The following RNF31 variants were observed in gnomAD, a reference collection of about 807,000 sequenced individuals.
RNF31 encodes the protein E3 ubiquitin-protein ligase RNF31.
A neutral mutation model predicts 133.6 loss-of-function variants in RNF31; 38 were observed. The observed-to-expected ratio is 0.28, with a 90% CI of 0.22 to 0.37. RNF31 has a LOEUF of 0.37. Ranked by LOEUF, RNF31 falls within the 10% of genes least tolerant of loss-of-function variation. The pLI, the probability that RNF31 is intolerant of heterozygous loss-of-function variation, is 1.00. For synonymous variants in RNF31, 582 were observed against 552.3 expected, an observed-to-expected ratio of 1.05 and a Z score of -0.75; for missense variants, 1,118 against 1,394.1, an observed-to-expected ratio of 0.80 and a Z score of 3.15.
Position 24,157,915 on chromosome 14 carries a change from C to A in RNF31, c.2745C>A (p.Asn915Lys). Reference protein sequence around the residue: ...FYAKNKCPEPNCRVKKSLHGH... With the variant: ...FYAKNKCPEPKCRVKKSLHGH... Reference sequence around the variant, plus strand: ...TCTGCCAGAAATGTCCAGAGCCTAACTGCAGGGTGAAAAAGTCCCTGCACG... The same window carrying A: ...TCTGCCAGAAATGTCCAGAGCCTAAATGCAGGGTGAAAAAGTCCCTGCACG... The change falls in exon 17 of 21, where the codon AAC becomes AAA. Residue 915 changes from asparagine (N) to lysine (K), a missense_variant. By Grantham distance (94) the Asn-to-Lys change is moderately conservative (BLOSUM62 0). Transcript: ENST00000324103. The A allele has an allele frequency of 6.2e-7, 1 of 1,614,012 alleles. No individual in the cohort carries two copies. Among genetic ancestry groups the A allele is most frequent in the Non-Finnish European group, 8.5e-7 (1 of 1,179,934 alleles).
At position 24,151,724 on chromosome 14, in the gene RNF31, C is replaced by A; in HGVS notation, c.1923+54C>A. On this transcript the variant is annotated intron_variant, in intron 10 of 20. Transcript: ENST00000324103. The surrounding 1 kb of genome is among the most constrained non-coding windows in gnomAD (Gnocchi z 5.3). Reference sequence around the variant, plus strand: ...GTCCACCTAGAGGAGCAAGAGGGAGCTGAGGGGAAGGGTCCCTGGAGTCTG... The same window carrying A: ...GTCCACCTAGAGGAGCAAGAGGGAGATGAGGGGAAGGGTCCCTGGAGTCTG... 6.2e-7 allele frequency: 1 copy of A among 1,602,046 alleles called. No individual in the cohort carries two copies.
In RNF31 at chr14:24,151,729, G is replaced by A; in HGVS notation, c.1924-57G>A. 3 of 1,601,718 alleles carry A rather than the reference G, an allele frequency of 1.9e-6. No homozygotes were observed. Among genetic ancestry groups the A allele is most frequent in the Non-Finnish European group, 2.6e-6 (3 of 1,174,068 alleles). ...CCTAGAGGAGCAAGAGGGAGCTGAG[G>A]GGAAGGGTCCCTGGAGTCTGACAGC... is the stretch of plus-strand genomic sequence containing the variant. On this transcript the variant is annotated intron_variant, in intron 10 of 20. Coordinates refer to ENST00000324103, the MANE Select transcript of RNF31 (RefSeq NM_017999.5). The surrounding 1 kb of genome is among the most constrained non-coding windows in gnomAD (Gnocchi z 5.3).
In RNF31 at chr14:24,160,541, T is replaced by G; in HGVS notation, c.3187T>G (p.Leu1063Val). Residue 1063 changes from leucine to valine, a missense_variant, in exon 21 of 21, where the codon TTG becomes GTG. Coordinates refer to ENST00000324103, the MANE Select transcript of RNF31 (RefSeq NM_017999.5). The surrounding 1 kb of genome is among the most constrained non-coding windows in gnomAD (Gnocchi z 4.0). ...GCAGAAGCTGACAGAAGAGGTACCC[T>G]TGGGACAGAGTATCCCCCGCAGGCG... The part of the protein sequence containing the change: ...LLQKLTEEVP[L>V]GQSIPRRRK 1 of 1,550,014 alleles carries G rather than the reference T, an allele frequency of 6.5e-7. No individual in the cohort carries two copies. The highest frequency in any genetic ancestry group is 8.7e-7 in the Non-Finnish European group (1 of 1,145,220).
At chr14:24,157,710 G>C (rs981724524) in intron 16 of RNF31, 72 bp downstream of exon 16, 3 of 1,347,180 alleles carry the variant, frequency 2.2e-6, no homozygotes, top group Non-Finnish European at 3.2e-6. Context: ...AGAGGCTATT[G>C]AGGAGTGGCC....
Position 24,149,572 on chromosome 14 carries a change from C to T in RNF31, c.798C>T (p.His266=), listed in dbSNP as rs776299997. The T allele has an allele frequency of 1.1e-5, 18 of 1,613,260 alleles. No individual in the cohort carries two copies. In the South Asian group the frequency reaches 2.0e-4, roughly 18 times the overall value. The stretch of plus-strand genomic sequence containing the variant: ...TGCCTGGGGTCCTGCAGGGTACCCA[C>T]CTGAGCCCCAGGTGAGAGGGCTTCT... ...QTLPGVLQGT[H]LSPSLPASAQ... Residue 266 remains histidine, a synonymous_variant, in exon 6 of 21, where the codon CAC becomes CAT. Transcript: ENST00000324103.
At position 24,157,250 on chromosome 14, in the gene RNF31, G is replaced by A. The variant is rs748214699; in HGVS notation, c.2494-40G>A. On this transcript the variant is annotated intron_variant, in intron 14 of 20. Coordinates refer to ENST00000324103, the MANE Select transcript of RNF31 (RefSeq NM_017999.5). ...GGCCAGCAAGAAAGGCCAGGGGATG[G>A]GATAGAGCTCCCATGTGAAGCCTAC... is the stretch of plus-strand genomic sequence containing the variant. 3.3e-6 allele frequency: 5 copies of A among 1,509,442 alleles called. No homozygotes were observed. In the South Asian group the frequency reaches 6.0e-5, roughly 18 times the overall value. 93.5% of individuals were successfully genotyped at this position (1,509,442 alleles called of 1,614,324 possible).
At position 24,148,781 on chromosome 14, in the gene RNF31, C is replaced by G. The variant is rs371052852; in HGVS notation, c.556-20C>G. ...CTGTGTCCCTAAACCCTTATTCATT[C>G]CCTGCCCTTTCTTTTTCAGATGCTG... is the stretch of plus-strand genomic sequence containing the variant. On this transcript the variant is annotated intron_variant, in intron 4 of 20. Transcript: ENST00000324103. 4 of 1,613,894 alleles carry G rather than the reference C, an allele frequency of 2.5e-6. No individual in the cohort carries two copies. The highest frequency in any genetic ancestry group is 2.5e-6 in the Non-Finnish European group (3 of 1,179,876).
In RNF31 at chr14:24,151,567, G is replaced by A. The variant is rs757997689; in HGVS notation, c.1820G>A (p.Arg607Gln). 6 of 1,614,026 alleles carry A rather than the reference G, an allele frequency of 3.7e-6. No homozygotes were observed. Among genetic ancestry groups the A allele is most frequent in the African/African-American group, 1.3e-5 (1 of 74,914 alleles). ...TTCCAGCACGGAGGTGATGTGTCACGGGCCCTGACTGAGCTACAGCGCCAA... is the reference window on the plus strand; with the variant it reads ...TTCCAGCACGGAGGTGATGTGTCACAGGCCCTGACTGAGCTACAGCGCCAA... ...ALFQHGGDVS[R>Q]ALTELQRQRL... Residue 607 changes from arginine (R) to glutamine (Q), a missense_variant, in exon 10 of 21, where the codon CGG (arginine) becomes CAG (glutamine). Physicochemically the swap from Arg to Gln is conservative, Grantham distance 43. Coordinates refer to ENST00000324103, the MANE Select transcript of RNF31 (RefSeq NM_017999.5). The surrounding 1 kb of genome is among the most constrained non-coding windows in gnomAD (Gnocchi z 5.3).
rs1443808368 is a variant in RNF31, at chr14:24,150,240, A to AGGGGTT, written c.999_1004dup (p.Leu334_Gly335dup). 11 of 1,614,124 alleles carry AGGGGTT rather than the reference A, an allele frequency of 6.8e-6. No homozygotes were observed. The highest frequency in any genetic ancestry group is 1.3e-5 in the African/African-American group (1 of 75,022). On this transcript the variant is annotated inframe_insertion, in exon 7 of 21. Transcript: ENST00000324103. ...GCCTGTGATCGGCCCCGAGGCTGTAAGGGGTTGGGGTTGGGAACTGAGGGT... is the reference window on the plus strand; with the variant it reads ...GCCTGTGATCGGCCCCGAGGCTGTAAGGGGTTGGGGTTGGGGTTGGGAACTGAGGGT...
At position 24,151,608 on chromosome 14, in the gene RNF31, C is replaced by T. The variant is rs771019988; in HGVS notation, c.1861C>T (p.Arg621Cys). Residue 621 changes from arginine to cysteine, a missense_variant, in exon 10 of 21, where the codon CGC (arginine) becomes TGC (cysteine). Arg to Cys is a radical substitution (Grantham distance 180). Coordinates refer to ENST00000324103, the MANE Select transcript of RNF31 (RefSeq NM_017999.5). This position sits in a 1 kb window ranked among gnomAD's most constrained non-coding sequence, Gnocchi z 5.3. ...ELQRQRLEPF[R>C]QRLWDSGPEP... is the part of the protein sequence containing the mutation. ...ACAGCGCCAACGCCTAGAGCCCTTC[C>T]GCCAGCGCCTCTGGGACAGTGGCCC... 2.5e-5 allele frequency: 40 copies of T among 1,613,660 alleles called. No homozygotes were observed. The highest frequency in any genetic ancestry group is 2.9e-5 in the Non-Finnish European group (34 of 1,180,050).
Position 24,151,197 on chromosome 14 carries a change from G to A in RNF31, c.1555G>A (p.Val519Met). Residue 519 changes from valine to methionine, a missense_variant, in exon 9 of 21, where the codon GTG becomes ATG. Val to Met is a conservative substitution (Grantham distance 21, BLOSUM62 1). This residue lies in a region of RNF31 where 747 missense variants were observed against 827.9 expected (regional missense o/e 0.90). Coordinates refer to ENST00000324103, the MANE Select transcript of RNF31 (RefSeq NM_017999.5). The surrounding 1 kb of genome is among the most constrained non-coding windows in gnomAD (Gnocchi z 5.3). ...FSALQYSGTE[V>M]PLQWLRSELP... ...GGCTCTGCAGTACTCGGGCACTGAG[G>A]TGCCTCTGCAGTGGTTGCGCTCAGA... is the stretch of plus-strand genomic sequence containing the variant. 5 of 1,614,182 alleles carry A rather than the reference G, an allele frequency of 3.1e-6. No individual in the cohort carries two copies. Among genetic ancestry groups the A allele is most frequent in the Non-Finnish European group, 3.4e-6 (4 of 1,180,054 alleles).
rs1288310452 is a variant in RNF31, at chr14:24,155,967, C to G, written c.2493+275C>G. On this transcript the variant is annotated intron_variant, in intron 14 of 20. Transcript: ENST00000324103. The surrounding 1 kb of genome is among the most constrained non-coding windows in gnomAD (Gnocchi z 4.9). ...ATAGGCATAAATTCTATGAAGAAAA[C>G]AAACAGGAACCTGAGATCAGGGTAA... 6.6e-6 allele frequency among the ~76,000 whole-genome samples: 1 copy of G among 152,118 alleles called. No individual in the cohort carries two copies. Among genetic ancestry groups the G allele is most frequent in the Admixed American group, 6.6e-5 (1 of 15,264 alleles).
Position 24,147,755 on chromosome 14 carries a change from C to T in RNF31, c.57C>T (p.Ser19=). 2 of 1,566,904 alleles carry T rather than the reference C, an allele frequency of 1.3e-6. No homozygotes were observed. The highest frequency in any genetic ancestry group is 1.9e-5 in the Admixed American group (1 of 53,110). The change falls in exon 1 of 21, where the codon AGC becomes AGT. Residue 19 remains serine (S), a synonymous_variant. Transcript: ENST00000324103. ...TGGTGGCCCGCGAGGAGCTGGCGAGCGCCCTGAGGAGGGATTCCGGGCAGG... is the reference window on the plus strand; with the variant it reads ...TGGTGGCCCGCGAGGAGCTGGCGAGTGCCCTGAGGAGGGATTCCGGGCAGG... ...AFLVAREELA[S]ALRRDSGQAF...
chr14:24,157,251 G>A lies in RNF31; in HGVS notation c.2494-39G>A, dbSNP rs769895822. ...GCCAGCAAGAAAGGCCAGGGGATGG[G>A]ATAGAGCTCCCATGTGAAGCCTACT... On this transcript the variant is annotated intron_variant, in intron 14 of 20. Coordinates refer to ENST00000324103, the MANE Select transcript of RNF31 (RefSeq NM_017999.5). The A allele has an allele frequency of 4.0e-6, 6 of 1,517,740 alleles. No homozygotes were observed. In the Admixed American group the frequency reaches 9.2e-5, roughly 23 times the overall value. 94.0% of individuals were successfully genotyped at this position (1,517,740 alleles called of 1,614,324 possible).
chr14:24,153,981 T>C (rs1291349687), intron 11 of RNF31, among the ~76,000 whole-genome samples: 1 of 152,138 alleles, frequency 6.6e-6, no homozygotes, highest in Non-Finnish European at 1.5e-5. Flanking sequence ...TGTGTACTTT[T>C]CACTAACCTT....
At chr14:24,159,066 T>C (rs938093406) in intron 18 of RNF31, among the ~76,000 whole-genome samples, 12 of 136,308 alleles carry the variant, frequency 8.8e-5, no homozygotes, top group Non-Finnish European at 1.7e-4. Flanking sequence ...AAAATGTGGC[T>C]GGGCACGGTG....
chr14:24,159,923 G>A lies in RNF31; in HGVS notation c.2959G>A (p.Gly987Ser). The change falls in exon 19 of 21, where the codon GGC becomes AGC. Residue 987 changes from glycine to serine, a missense_variant. Transcript: ENST00000324103. ...VPNGLRDEAC[G>S]KETPAGYAGL... is the part of the protein sequence containing the mutation. ...CAATGGGCTCAGGGACGAAGCTTGTGGCAAGGAAACTCCAGCTGGCTATGC... is the reference window on the plus strand; with the variant it reads ...CAATGGGCTCAGGGACGAAGCTTGTAGCAAGGAAACTCCAGCTGGCTATGC... The A allele has an allele frequency of 6.2e-7, 1 of 1,614,100 alleles. No homozygotes were observed. The highest frequency in any genetic ancestry group is 8.5e-7 in the Non-Finnish European group (1 of 1,180,038).
intron 1 of RNF31, 30 bp downstream of exon 1, chr14:24,147,920 C>T (rs767189518): frequency 5.6e-6 from 9 of 1,612,948 alleles, no homozygotes; most frequent in South Asian, 2.2e-5. Context: ...GGAAGGGGGA[C>T]ACCAGGGCCT....
At chr14:24,154,183 G>T (rs1446893067) in intron 11 of RNF31, among the ~76,000 whole-genome samples, 1 of 151,814 alleles carries the variant, frequency 6.6e-6, no homozygotes, top group African/African-American at 2.4e-5. Flanking sequence ...TTGAGACAGA[G>T]TTTTGCTCTT....
Sources: allele counts gnomAD v4.1 joint callset (sites outside exome capture counted in the v4.1 genomes callset), GRCh38; gene constraint gnomAD v4.1.1; regional missense constraint gnomAD v4.1.1; non-coding constraint Gnocchi (gnomAD v3.1); transcripts MANE v1.5; gene names NCBI Gene and HGNC (gene_info 2026-07-23, HGNC 2026-07-21).